Variants in CREBBP observed in about 807,000 individuals in gnomAD.
CREBBP encodes CREB-binding protein.
Under a neutral mutation model 265.0 loss-of-function variants are expected in CREBBP, and 19 were observed. The observed-to-expected ratio is 0.07, with a 90% CI of 0.05 to 0.11. The LOEUF (loss-of-function observed/expected upper bound fraction) is 0.11. CREBBP is among the 10% of genes least tolerant of loss of function. The pLI is 1.00. For missense variants in CREBBP, 2,525 were observed against 3,219.0 expected (o/e 0.78, Z 5.22); for synonymous variants, 1,457 against 1,223.7 (o/e 1.19, Z -3.98).
intron 2 of CREBBP, among the ~76,000 whole-genome samples, chr16:3,849,233 C>G (rs972106976): frequency 6.6e-6 from 1 of 152,154 alleles, no homozygotes; most frequent in Admixed American, 6.5e-5. Flanking sequence ...GTGCTCCTGT[C>G]AGTCCTGGGC....
At chr16:3,775,138 A>C (rs2053106742) in intron 11 of CREBBP, among the ~76,000 whole-genome samples, 1 of 152,186 alleles carries the variant, frequency 6.6e-6, no homozygotes, top group Non-Finnish European at 1.5e-5. Flanking sequence ...CCCATACCTA[A>C]TGCCTCTGGA....
At position 3,879,961 on chromosome 16, in the gene CREBBP, C is replaced by A. The variant is rs536033987; in HGVS notation, c.-45G>T. ...CAGCCCCGGGCACGGGCGGCCGGGC[C>A]GGCGAGGGCCCGGACGGGGGTCGGG... On this transcript the variant is annotated 5_prime_UTR_variant, in exon 1 of 31. Coordinates refer to ENST00000262367, the MANE Select transcript of CREBBP (RefSeq NM_004380.3). 2 of 1,572,228 alleles carry A rather than the reference C, an allele frequency of 1.3e-6. No individual in the cohort carries two copies. The highest frequency in any genetic ancestry group is 1.7e-6 in the Non-Finnish European group (2 of 1,155,744).
At chr16:3,750,305 G>C (rs991161064) in intron 20 of CREBBP, among the ~76,000 whole-genome samples, 3 of 152,152 alleles carry the variant, frequency 2.0e-5, no homozygotes, top group Admixed American at 6.5e-5. Flanking sequence ...CAGTCACTTT[G>C]GTTTGTTTGT....
chr16:3,737,550 C>T (rs1440490963), intron 26 of CREBBP, among the ~76,000 whole-genome samples: 1 of 150,332 alleles, frequency 6.7e-6, no homozygotes, highest in Non-Finnish European at 1.5e-5. Context: ...TCCTCTGTCT[C>T]CCTGGTTCGA....
At chr16:3,753,409 G>T (rs866427796) in intron 19 of CREBBP, among the ~76,000 whole-genome samples, 1 of 152,176 alleles carries the variant, frequency 6.6e-6, no homozygotes, top group African/African-American at 2.4e-5. Flanking sequence ...TTTGTGTTTG[G>T]TTGATGAGGA....
chr16:3,864,161 C>G (rs1025300993), intron 1 of CREBBP, among the ~76,000 whole-genome samples: 1 of 152,174 alleles, frequency 6.6e-6, no homozygotes, highest in Admixed American at 6.5e-5. Context: ...AAACAGACAT[C>G]CAGAGACCAG....
rs926539117 is a variant in CREBBP at position 3,725,221 on chromosome 16, T to G, written c.*2497A>C. ...TTACAGAAATTTCCTTACGACAAAC[T>G]TAGGGTTAGCATCCACAGACCATGC... is the stretch of plus-strand genomic sequence containing the variant. On this transcript the variant is annotated 3_prime_UTR_variant, in exon 31 of 31. Transcript: ENST00000262367. The G allele has an allele frequency of 5.1e-4, 119 of 233,544 alleles. 1 individual carries two copies. Among genetic ancestry groups the G allele is most frequent in the African/African-American group, 2.5e-3 (113 of 45,460 alleles). The allele number at this position is 233,544 out of a possible 1,614,324, so 14.5% of individuals were successfully genotyped here. A position where few individuals can be genotyped will look rare whatever the true frequency, so the allele number is the denominator to read the frequency against.
intron 11 of CREBBP, among the ~76,000 whole-genome samples, chr16:3,775,602 G>A (rs1456068172): frequency 1.3e-5 from 2 of 152,150 alleles, no homozygotes; most frequent in South Asian, 2.1e-4. Flanking sequence ...ACGGAGTGCC[G>A]ATGCAGACCA....
intron 16 of CREBBP, among the ~76,000 whole-genome samples, chr16:3,762,613 G>A (rs984175673): frequency 1.3e-5 from 2 of 152,058 alleles, no homozygotes; most frequent in Non-Finnish European, 2.9e-5. Flanking sequence ...TGCTCCACGC[G>A]GCAGGGCTGT....
At chr16:3,849,435 G>GA (rs1311938862) in intron 2 of CREBBP, among the ~76,000 whole-genome samples, 5 of 15,734 alleles carry the variant, frequency 3.2e-4, no homozygotes, top group African/African-American at 6.1e-4. Flanking sequence ...GTGTGTGTGT[G>GA]TGTGTGTGTG....
chr16:3,769,260 C>T lies in CREBBP; in HGVS notation c.2974G>A (p.Val992Ile), dbSNP rs61731383. 2.4e-3 allele frequency: 3,916 copies of T among 1,614,152 alleles called. 77 individuals carry two copies. The African/African-American group carries it at 0.046, about 19-fold the overall frequency. The change falls in exon 15 of 31, where the codon GTA becomes ATA. Residue 992 changes from valine to isoleucine, a missense_variant. Coordinates refer to ENST00000262367, the MANE Select transcript of CREBBP (RefSeq NM_004380.3). ...ETNSQQPGPD[V>I]PVLEMKTETQ... ...TCCGTCTTCATTTCCAGCACAGGTACGTCAGGTCCTGGCTGCTGGGAATTG... is the reference window on the plus strand; with the variant it reads ...TCCGTCTTCATTTCCAGCACAGGTATGTCAGGTCCTGGCTGCTGGGAATTG...
At chr16:3,825,004 A>G (rs2054211194) in intron 2 of CREBBP, among the ~76,000 whole-genome samples, 1 of 152,218 alleles carries the variant, frequency 6.6e-6, no homozygotes, top group Admixed American at 6.5e-5. Context: ...GCACTGTGCA[A>G]TCTTGAGGTG....
At chr16:3,767,506 C>T in intron 16 of CREBBP, 1 of 640,184 alleles carries the variant, frequency 1.6e-6, no homozygotes, top group South Asian at 2.0e-5. Context: ...AGCAGCAGCT[C>T]ATCTCTCACT....
At chr16:3,784,094 T>C (rs1752127895) in intron 5 of CREBBP, among the ~76,000 whole-genome samples, 1 of 152,224 alleles carries the variant, frequency 6.6e-6, no homozygotes, top group Non-Finnish European at 1.5e-5. Context: ...TAGCATCTTA[T>C]AGTGTTGTTG....
chr16:3,829,408 A>T (rs759048296), intron 2 of CREBBP, among the ~76,000 whole-genome samples: 1 of 152,210 alleles, frequency 6.6e-6, no homozygotes, highest in Non-Finnish European at 1.5e-5. Context: ...TCCCAGTGCG[A>T]CCACACACAA....
In CREBBP at chr16:3,778,739, C is replaced by T. The variant is rs1323027664; in HGVS notation, c.1902G>A (p.Lys634=). Residue 634 remains lysine (K), a synonymous_variant, in exon 9 of 31, where the codon AAG becomes AAA. Transcript: ENST00000262367. The part of the protein sequence containing the change: ...RRMENLVAYA[K]KVEGDMYESA... ...ACTCGTACATGTCCCCTTCCACTTTCTTAGCATAGGCTACCAGGTTTTCCA... is the reference window on the plus strand; with the variant it reads ...ACTCGTACATGTCCCCTTCCACTTTTTTAGCATAGGCTACCAGGTTTTCCA... 1.2e-6 allele frequency: 2 copies of T among 1,614,132 alleles called. No homozygotes were observed. Among genetic ancestry groups the T allele is most frequent in the Non-Finnish European group, 1.7e-6 (2 of 1,179,980 alleles).
At chr16:3,772,328 A>AACACAC (rs34060381) in intron 13 of CREBBP, among the ~76,000 whole-genome samples, 2,669 of 145,328 alleles carry the variant, frequency 0.018, 33 homozygotes, top group African/African-American at 0.039. Context: ...CTGAAACACA[A>AACACAC]ACACACACAC....
At chr16:3,814,286 G>C (rs1055128250) in intron 2 of CREBBP, among the ~76,000 whole-genome samples, 2 of 135,394 alleles carry the variant, frequency 1.5e-5, no homozygotes, top group South Asian at 2.5e-4. Context: ...ACAGAGTCTC[G>C]TTCTGTTGCC....
chr16:3,861,509 C>T (rs976613206), intron 1 of CREBBP, among the ~76,000 whole-genome samples: 1 of 152,180 alleles, frequency 6.6e-6, no homozygotes, highest in African/African-American at 2.4e-5. Context: ...AGGCGCTCAA[C>T]AGCCGCCACT....
Sources: allele counts gnomAD v4.1 joint callset (sites outside exome capture counted in the v4.1 genomes callset), GRCh38; gene constraint gnomAD v4.1.1; transcripts MANE v1.5; gene names NCBI Gene and HGNC (gene_info 2026-07-23, HGNC 2026-07-21).